The following DIAPH3 variants were observed in gnomAD, a reference collection of about 807,000 sequenced individuals.
The protein encoded by DIAPH3 is protein diaphanous homolog 3.
DIAPH3 carries 117 observed loss-of-function variants against 144.3 expected under a neutral mutation model. That is an observed-to-expected ratio of 0.81 (90% CI 0.70 to 0.95). DIAPH3 has a LOEUF of 0.95. Ranked by LOEUF, DIAPH3 falls within the 40% of genes least tolerant of loss-of-function variation. The pLI is 0.00. For synonymous variants in DIAPH3, 519 were observed against 488.9 expected, an observed-to-expected ratio of 1.06 and a Z score of -0.81; for missense variants, 1,421 against 1,412.7, an observed-to-expected ratio of 1.01 and a Z score of -0.09.
At chr13:60,010,730 GAA>G in intron 7 of DIAPH3, 61 bp from the exon 8 acceptor site, 1 of 1,527,754 alleles carries the variant, frequency 6.5e-7, no homozygotes, top group Non-Finnish European at 9.0e-7. Flanking sequence ...ATAATACCCT[GAA>G]GGAAATGTAG....
chr13:60,079,944 G>A (rs552457474), intron 4 of DIAPH3, among the ~76,000 whole-genome samples: 18 of 151,856 alleles, frequency 1.2e-4, no homozygotes, highest in South Asian at 2.1e-4. Flanking sequence ...TTTAAACCTA[G>A]CCCCTATTCC....
At chr13:60,121,293 G>T (rs9570259) in intron 2 of DIAPH3, among the ~76,000 whole-genome samples, 12,415 of 151,968 alleles carry the variant, frequency 0.082, 693 homozygotes, top group East Asian at 0.28. Context: ...ACAGATTAAA[G>T]AAAATAAAGA....
intron 27 of DIAPH3, among the ~76,000 whole-genome samples, chr13:59,696,390 A>T (rs2033802910): frequency 6.6e-6 from 1 of 152,234 alleles, no homozygotes; most frequent in African/African-American, 2.4e-5. Context: ...GAACATGTGG[A>T]GTTATTTCTT....
intron 10 of DIAPH3, 136 bp from the exon 11 acceptor site, chr13:59,992,322 C>T (rs557055435): frequency 5.0e-6 from 5 of 1,001,920 alleles, no homozygotes; most frequent in African/African-American, 3.3e-5. Context: ...AAATAACACT[C>T]GAATCTTATC....
chr13:60,091,213 T>A (rs1435100645), intron 4 of DIAPH3, among the ~76,000 whole-genome samples: 1 of 152,220 alleles, frequency 6.6e-6, no homozygotes, highest in Non-Finnish European at 1.5e-5. Flanking sequence ...TCTGTTATTT[T>A]TTTTCCACAT....
At chr13:60,107,867 G>C (rs1330732163) in intron 3 of DIAPH3, among the ~76,000 whole-genome samples, 10 of 152,110 alleles carry the variant, frequency 6.6e-5, no homozygotes, top group African/African-American at 2.4e-4. Context: ...CTCATTTAAT[G>C]CCTGTTAATG....
chr13:59,818,791 A>G (rs765216864), intron 24 of DIAPH3, among the ~76,000 whole-genome samples: 3 of 151,886 alleles, frequency 2.0e-5, no homozygotes, highest in Non-Finnish European at 4.4e-5. Context: ...CAAATTCACC[A>G]TTTCTTTCCT....
chr13:60,073,852 A>G (rs2057293729), intron 4 of DIAPH3, among the ~76,000 whole-genome samples: 1 of 152,244 alleles, frequency 6.6e-6, no homozygotes, highest in Non-Finnish European at 1.5e-5. Context: ...TGCAAACAGC[A>G]TGCTATTAGC....
chr13:59,875,633 A>G lies in DIAPH3; in HGVS notation c.2607+3596T>C, dbSNP rs2044574237. On this transcript the variant is annotated intron_variant, in intron 21 of 27. Coordinates refer to ENST00000400324, the MANE Select transcript of DIAPH3 (RefSeq NM_001042517.2). ...ATGCAAAATTTCTTATGAAGGTTTA[A>G]TCAGGGAAAACACTATTTTTGCTCA... 2.6e-5 allele frequency among the ~76,000 whole-genome samples: 4 copies of G among 152,314 alleles called. No homozygotes were observed. The South Asian group carries it at 6.2e-4, about 24-fold the overall frequency.
chr13:59,810,942 A>T lies in DIAPH3; in HGVS notation c.3028-19T>A. 3 of 1,593,800 alleles carry T rather than the reference A, an allele frequency of 1.9e-6. No individual in the cohort carries two copies. On this transcript the variant is annotated intron_variant, in intron 24 of 27. Coordinates refer to ENST00000400324, the MANE Select transcript of DIAPH3 (RefSeq NM_001042517.2). ...TTGCTTGCTAAAAAAATTTTGAAAA[A>T]TGATCAATTTTAACCAGTGATTCAT... is the stretch of plus-strand genomic sequence containing the variant.
chr13:59,789,072 G>T (rs1397041675), intron 25 of DIAPH3, among the ~76,000 whole-genome samples: 1 of 152,202 alleles, frequency 6.6e-6, no homozygotes, highest in Admixed American at 6.5e-5. Context: ...GACCTTGTGT[G>T]TTATGTAGGG....
At chr13:60,151,286 GCAAA>G (rs1951769392) in intron 1 of DIAPH3, among the ~76,000 whole-genome samples, 1 of 152,142 alleles carries the variant, frequency 6.6e-6, no homozygotes, top group African/African-American at 2.4e-5. Context: ...CAATCTATAA[GCAAA>G]CAGACTAATT....
intron 27 of DIAPH3, among the ~76,000 whole-genome samples, chr13:59,715,046 C>T (rs1187225412): frequency 6.6e-6 from 1 of 152,048 alleles, no homozygotes; most frequent in Non-Finnish European, 1.5e-5. Context: ...AATTGAGATG[C>T]TTATTATAAG....
At chr13:60,062,193 A>G (rs2056800745) in intron 4 of DIAPH3, among the ~76,000 whole-genome samples, 1 of 152,234 alleles carries the variant, frequency 6.6e-6, no homozygotes, top group South Asian at 2.1e-4. Flanking sequence ...CTCAGAAAAC[A>G]GGAACTCAAA....
chr13:59,679,551 A>G (rs1231889223), intron 27 of DIAPH3, among the ~76,000 whole-genome samples: 2 of 152,234 alleles, frequency 1.3e-5, no homozygotes, highest in African/African-American at 4.8e-5. Context: ...GAAAAGAAAG[A>G]AATTAGAGTA....
At chr13:59,955,068 A>G (rs550045186) in intron 17 of DIAPH3, among the ~76,000 whole-genome samples, 3 of 74,842 alleles carry the variant, frequency 4.0e-5, no homozygotes, top group East Asian at 5.5e-4. Flanking sequence ...TCTTTCATAT[A>G]TATATATACA....
At chr13:60,026,924 A>C (rs2054417306) in intron 5 of DIAPH3, among the ~76,000 whole-genome samples, 1 of 152,222 alleles carries the variant, frequency 6.6e-6, no homozygotes, top group Admixed American at 6.5e-5. Flanking sequence ...TAGATGGTTT[A>C]AAATCAATAC....
At chr13:59,700,166 C>G (rs564168137) in intron 27 of DIAPH3, among the ~76,000 whole-genome samples, 1 of 152,214 alleles carries the variant, frequency 6.6e-6, no homozygotes, top group African/African-American at 2.4e-5. Flanking sequence ...TTATTTCTAC[C>G]ATGGGGAAAG....
chr13:59,712,969 G>A lies in DIAPH3; in HGVS notation c.3320-46123C>T, dbSNP rs566846332. 1.1e-4 allele frequency among the ~76,000 whole-genome samples: 17 copies of A among 152,150 alleles called. No homozygotes were observed. In the East Asian group the frequency reaches 2.7e-3, roughly 24 times the overall value. ...TAAAGAATACACAACTATATATCTC[G>A]CATGCGCAGTTCACAATAGAGTTCG... On this transcript the variant is annotated intron_variant, in intron 27 of 27. Transcript: ENST00000400324.
Sources: gnomAD v4.1 joint callset for allele counts (sites outside exome capture counted in the v4.1 genomes callset) on GRCh38, gnomAD v4.1.1 for gene constraint, MANE v1.5 for transcripts, NCBI Gene and HGNC (gene_info 2026-07-23, HGNC 2026-07-21) for gene names.